Variants in RBFOX1 observed in about 807,000 individuals in gnomAD.
RBFOX1 encodes the protein RNA binding fox-1 homolog 1, also known as RNA binding protein fox-1 homolog 1.
A neutral mutation model predicts 57.7 loss-of-function variants in RBFOX1; 8 were observed. That is an observed-to-expected ratio of 0.14 (90% CI 0.08 to 0.25). The LOEUF (loss-of-function observed/expected upper bound fraction) is 0.25. Ranked by LOEUF, RBFOX1 falls within the 10% of genes least tolerant of loss-of-function variation. RBFOX1 has a pLI of 1.00. For synonymous variants in RBFOX1, 326 were observed against 222.4 expected, an observed-to-expected ratio of 1.47 and a Z score of -4.15; for missense variants, 611 against 548.5, an observed-to-expected ratio of 1.11 and a Z score of -1.14.
intron 1 of RBFOX1, among the ~76,000 whole-genome samples, chr16:5,396,110 AG>A (rs2066546440): frequency 6.6e-6 from 1 of 152,222 alleles, no homozygotes; most frequent in African/African-American, 2.4e-5. Flanking sequence ...TTAAGCCCCC[AG>A]GGTTATGATA....
At chr16:5,723,719 A>C (rs527278581) in intron 3 of RBFOX1, among the ~76,000 whole-genome samples, 11 of 152,158 alleles carry the variant, frequency 7.2e-5, no homozygotes, top group African/African-American at 2.7e-4. Flanking sequence ...CTTGGGCTGG[A>C]TGGTGTCTGA....
chr16:7,041,082 ATTTTTTTTT>A (rs61569211), intron 3 of RBFOX1, among the ~76,000 whole-genome samples: 4 of 109,310 alleles, frequency 3.7e-5, no homozygotes, highest in Non-Finnish European at 5.5e-5. Flanking sequence ...CGCCCAGCTA[ATTTTTTTTT>A]TTTTTTTTTT....
intron 3 of RBFOX1, among the ~76,000 whole-genome samples, chr16:6,747,852 A>G (rs1395684103): frequency 2.6e-5 from 4 of 152,202 alleles, no homozygotes; most frequent in Non-Finnish European, 5.9e-5. Flanking sequence ...TTTTTCTGAC[A>G]TAAAACTTTC....
At chr16:5,482,312 C>T (rs556198184) in intron 2 of RBFOX1, among the ~76,000 whole-genome samples, 1 of 152,088 alleles carries the variant, frequency 6.6e-6, no homozygotes, top group Non-Finnish European at 1.5e-5. Flanking sequence ...GAGTGTGATG[C>T]ACACCATTCG....
intron 4 of RBFOX1, among the ~76,000 whole-genome samples, chr16:7,153,357 T>A (rs1337158020): frequency 6.6e-6 from 1 of 152,164 alleles, no homozygotes; most frequent in Non-Finnish European, 1.5e-5. Context: ...AAACTATAAA[T>A]GCAACCTTTT....
chr16:6,697,917 T>A (rs2061294020), intron 3 of RBFOX1, among the ~76,000 whole-genome samples: 1 of 152,262 alleles, frequency 6.6e-6, no homozygotes, highest in African/African-American at 2.4e-5. Context: ...ACCAAAAGTC[T>A]CTTTTTTTAA....
At chr16:6,609,682 T>A (rs1001440464) in intron 2 of RBFOX1, among the ~76,000 whole-genome samples, 30 of 152,284 alleles carry the variant, frequency 2.0e-4, no homozygotes, top group African/African-American at 7.2e-4. Flanking sequence ...CCCAGATGGT[T>A]CAGTGTTTCC....
chr16:5,557,711 A>C (rs934074327), intron 2 of RBFOX1, among the ~76,000 whole-genome samples: 1 of 152,214 alleles, frequency 6.6e-6, no homozygotes, highest in Non-Finnish European at 1.5e-5. Flanking sequence ...ACAGGGAACT[A>C]CTTGGTAGAA....
At position 5,913,015 on chromosome 16, in the gene RBFOX1, C is replaced by T. The variant is rs114057244; in HGVS notation, c.351+45680C>T. Among the ~76,000 whole-genome samples, 739 of 152,208 alleles carry T rather than the reference C, an allele frequency of 4.9e-3. 3 individuals are homozygous for T. The highest frequency in any genetic ancestry group is 0.017 in the African/African-American group (700 of 41,524). Reference sequence around the variant, plus strand: ...AGTTCTCTTCTTAGGGTCAGAAGACCCAAGTCTAAGTTCAGACTCTAGCAT... The same window carrying T: ...AGTTCTCTTCTTAGGGTCAGAAGACTCAAGTCTAAGTTCAGACTCTAGCAT... On this transcript the variant is annotated intron_variant, in intron 4 of 19. Coordinates refer to the RBFOX1 transcript ENST00000641259.
chr16:6,555,904 A>T (rs1480688311), intron 2 of RBFOX1, among the ~76,000 whole-genome samples: 1 of 152,070 alleles, frequency 6.6e-6, no homozygotes, highest in Non-Finnish European at 1.5e-5. Flanking sequence ...TGGCTGCATA[A>T]GGGATGGGGA....
intron 4 of RBFOX1, among the ~76,000 whole-genome samples, chr16:5,978,309 A>G (rs939350291): frequency 6.6e-6 from 1 of 151,940 alleles, no homozygotes; most frequent in African/African-American, 2.4e-5. Context: ...GTGAGGCCCC[A>G]TTTCTTAAGA....
At chr16:6,606,579 AT>A (rs1406644755) in intron 2 of RBFOX1, among the ~76,000 whole-genome samples, 3 of 151,916 alleles carry the variant, frequency 2.0e-5, no homozygotes, top group African/African-American at 7.3e-5. Context: ...ATGTGTTCTC[AT>A]TGTTCAGCTC....
At chr16:6,609,239 T>C (rs759241554) in intron 2 of RBFOX1, among the ~76,000 whole-genome samples, 11 of 152,202 alleles carry the variant, frequency 7.2e-5, no homozygotes, top group Admixed American at 2.0e-4. Flanking sequence ...GTTGTTGGGA[T>C]TACTGGGAAG....
intron 3 of RBFOX1, among the ~76,000 whole-genome samples, chr16:6,680,954 T>C (rs1266722327): frequency 6.6e-6 from 1 of 152,218 alleles, no homozygotes; most frequent in Non-Finnish European, 1.5e-5. Flanking sequence ...TAATTGGGCC[T>C]GAGTAACTTT....
chr16:5,425,097 CTATCTAT>C (rs2067511899), intron 1 of RBFOX1, among the ~76,000 whole-genome samples: 1 of 145,860 alleles, frequency 6.9e-6, no homozygotes, highest in Non-Finnish European at 1.5e-5. Context: ...ATCTATCTAT[CTATCTAT>C]CTATCTATCT....
intron 3 of RBFOX1, among the ~76,000 whole-genome samples, chr16:6,748,379 G>C (rs759197789): frequency 6.6e-6 from 1 of 152,030 alleles, no homozygotes; most frequent in Non-Finnish European, 1.5e-5. Context: ...AAATTATTTG[G>C]GGTGGGCACT....
intron 4 of RBFOX1, among the ~76,000 whole-genome samples, chr16:7,228,019 C>T (rs1290809854): frequency 6.6e-6 from 1 of 152,150 alleles, no homozygotes; most frequent in Non-Finnish European, 1.5e-5. Flanking sequence ...ATACCAGTAG[C>T]ACCCACCCAC....
At chr16:5,717,912 G>A (rs1203667996) in intron 3 of RBFOX1, among the ~76,000 whole-genome samples, 4 of 152,138 alleles carry the variant, frequency 2.6e-5, no homozygotes, top group African/African-American at 9.7e-5. Flanking sequence ...CTTTATTTGA[G>A]GTACAGATAT....
At chr16:6,815,946 G>C (rs761468910) in intron 3 of RBFOX1, among the ~76,000 whole-genome samples, 1 of 152,174 alleles carries the variant, frequency 6.6e-6, no homozygotes, top group African/African-American at 2.4e-5. Context: ...GAAACTTGAA[G>C]ATCTTTAAGA....
Sources: allele counts gnomAD v4.1 joint callset (sites outside exome capture counted in the v4.1 genomes callset), GRCh38; gene constraint gnomAD v4.1.1; transcripts MANE v1.5; gene names NCBI Gene and HGNC (gene_info 2026-07-23, HGNC 2026-07-21).